Variants in LRP1B observed in about 807,000 individuals in gnomAD.
LRP1B encodes low-density lipoprotein receptor-related protein 1B.
Under a neutral mutation model 556.6 loss-of-function variants are expected in LRP1B, and 217 were observed. The ratio of observed to expected loss-of-function variants is 0.39; its 90% CI spans 0.35 to 0.44. The LOEUF (loss-of-function observed/expected upper bound fraction) is 0.44. Ranked by LOEUF, LRP1B falls within the 20% of genes least tolerant of loss-of-function variation. The pLI is 1.00. For synonymous variants in LRP1B, 2,047 were observed against 1,865.8 expected (o/e 1.10, Z -2.50); for missense variants, 5,053 against 5,620.8 (o/e 0.90, Z 3.23).
intron 7 of LRP1B, among the ~76,000 whole-genome samples, chr2:141,084,686 G>T: frequency 7.1e-6 from 1 of 139,882 alleles, no homozygotes; most frequent in African/African-American, 2.7e-5. Context: ...GTCTCGCTCT[G>T]TCCCCCAGAC....
chr2:142,075,499 T>G (rs1266061826), intron 1 of LRP1B, among the ~76,000 whole-genome samples: 1 of 152,088 alleles, frequency 6.6e-6, no homozygotes, highest in Non-Finnish European at 1.5e-5. Flanking sequence ...CAACTTCATA[T>G]AAGGTGCTTA....
chr2:141,210,069 GAA>G (rs72137174), intron 6 of LRP1B, among the ~76,000 whole-genome samples: 4 of 147,234 alleles, frequency 2.7e-5, no homozygotes, highest in African/African-American at 1.0e-4. Context: ...GTTACAGCCT[GAA>G]AAAAAAAAAG....
intron 32 of LRP1B, among the ~76,000 whole-genome samples, chr2:140,794,614 C>T (rs1268232427): frequency 1.3e-5 from 2 of 149,388 alleles, no homozygotes; most frequent in East Asian, 1.9e-4. Flanking sequence ...TATATAGCCA[C>T]TTTCTTTTTT....
At chr2:141,929,840 C>T (rs1700437250) in intron 1 of LRP1B, among the ~76,000 whole-genome samples, 1 of 137,144 alleles carries the variant, frequency 7.3e-6, no homozygotes, top group South Asian at 2.3e-4. Flanking sequence ...ATCTGGGTCT[C>T]AGAGATGAGT....
At chr2:141,634,340 A>G (rs1279374188) in intron 2 of LRP1B, among the ~76,000 whole-genome samples, 1 of 151,940 alleles carries the variant, frequency 6.6e-6, no homozygotes, top group Middle Eastern at 3.2e-3. Flanking sequence ...AAAACTATAA[A>G]CCTTCATAAT....
At chr2:141,301,731 T>C (rs1686403042) in intron 3 of LRP1B, among the ~76,000 whole-genome samples, 1 of 152,174 alleles carries the variant, frequency 6.6e-6, no homozygotes, top group African/African-American at 2.4e-5. Context: ...ATCACATACA[T>C]ACGTTGACAT....
At chr2:141,968,976 G>A (rs1170534818) in intron 1 of LRP1B, among the ~76,000 whole-genome samples, 1 of 150,858 alleles carries the variant, frequency 6.6e-6, no homozygotes, top group African/African-American at 2.4e-5. Flanking sequence ...CTTTCTTTCA[G>A]TTCTCTCTGT....
intron 7 of LRP1B, among the ~76,000 whole-genome samples, chr2:141,090,941 T>C (rs7577947): frequency 0.36 from 54,932 of 151,676 alleles, 10,309 homozygotes; most frequent in East Asian, 0.67. Flanking sequence ...TGATAAAAGG[T>C]TGTATTTCTA....
chr2:141,361,670 GT>G (rs1293019954), intron 3 of LRP1B, among the ~76,000 whole-genome samples: 1 of 152,084 alleles, frequency 6.6e-6, no homozygotes, highest in African/African-American at 2.4e-5. Flanking sequence ...CTAGTTGTAG[GT>G]GGGGAGTCTT....
chr2:140,383,461 G>A (rs756133520), intron 67 of LRP1B, among the ~76,000 whole-genome samples: 15 of 151,724 alleles, frequency 9.9e-5, no homozygotes, highest in African/African-American at 1.7e-4. Context: ...TTCTTTTCTC[G>A]TTCTTTATTG....
chr2:140,298,536 T>C (rs1573752467), intron 83 of LRP1B, among the ~76,000 whole-genome samples: 1 of 152,300 alleles, frequency 6.6e-6, no homozygotes, highest in Non-Finnish European at 1.5e-5. Context: ...GGTTAGTACA[T>C]AAGTGCTAAA....
At chr2:141,542,965 A>T (rs1685319072) in intron 2 of LRP1B, among the ~76,000 whole-genome samples, 1 of 152,186 alleles carries the variant, frequency 6.6e-6, no homozygotes, top group Admixed American at 6.6e-5. Context: ...GAAGATTCCC[A>T]AACTATCTCA....
At chr2:141,745,018 T>C (rs1693861393) in intron 2 of LRP1B, among the ~76,000 whole-genome samples, 1 of 152,156 alleles carries the variant, frequency 6.6e-6, no homozygotes, top group Non-Finnish European at 1.5e-5. Context: ...CTAGTTCTTT[T>C]CTCTTACTTT....
At chr2:141,138,107 T>C (rs1188521201) in intron 7 of LRP1B, among the ~76,000 whole-genome samples, 1 of 151,952 alleles carries the variant, frequency 6.6e-6, no homozygotes, top group Non-Finnish European at 1.5e-5. Context: ...AGCGGTGGTG[T>C]TTATTCCAAT....
At position 141,643,364 on chromosome 2, in the gene LRP1B, AG is replaced by A. The variant is rs201465646; in HGVS notation, c.206-162832del. Among the ~76,000 whole-genome samples, 901 of 152,302 alleles carry A rather than the reference AG, an allele frequency of 5.9e-3. 25 individuals are homozygous for A. Among genetic ancestry groups the A allele is most frequent in the Admixed American group, 0.039 (595 of 15,284 alleles). On this transcript the variant is annotated intron_variant, in intron 2 of 90. Coordinates refer to ENST00000389484, the MANE Select transcript of LRP1B (RefSeq NM_018557.3). Reference sequence around the variant, plus strand: ...TTCAGGAAAAGGAATTAAGTGGTAAAGGGTATTCTATTCACATCTATAAACC... The same window carrying A: ...TTCAGGAAAAGGAATTAAGTGGTAAAGGTATTCTATTCACATCTATAAACC...
chr2:140,328,519 T>C (rs1444946151), intron 79 of LRP1B, among the ~76,000 whole-genome samples: 1 of 151,580 alleles, frequency 6.6e-6, no homozygotes, highest in Non-Finnish European at 1.5e-5. Context: ...TTATGTGAAA[T>C]GACCACAGTA....
At chr2:141,662,922 T>C (rs549089754) in intron 2 of LRP1B, among the ~76,000 whole-genome samples, 39 of 151,810 alleles carry the variant, frequency 2.6e-4, no homozygotes, top group Admixed American at 2.3e-3. Context: ...GTTCACATCA[T>C]TGGAAGTAAA....
intron 82 of LRP1B, among the ~76,000 whole-genome samples, chr2:140,315,368 G>A (rs1470965316): frequency 1.3e-5 from 2 of 151,970 alleles, no homozygotes; most frequent in African/African-American, 4.8e-5. Context: ...ATACTGAATA[G>A]TAAAACTAAC....
At chr2:140,513,438 A>C (rs1442083105) in intron 51 of LRP1B, among the ~76,000 whole-genome samples, 2 of 152,098 alleles carry the variant, frequency 1.3e-5, no homozygotes, top group Non-Finnish European at 2.9e-5. Flanking sequence ...TCTTTTATTA[A>C]ATTTATTTTT....
Sources: gnomAD v4.1 joint callset for allele counts (sites outside exome capture counted in the v4.1 genomes callset) on GRCh38, gnomAD v4.1.1 for gene constraint, MANE v1.5 for transcripts, NCBI Gene and HGNC (gene_info 2026-07-23, HGNC 2026-07-21) for gene names.